ZNF738: variants seen among roughly 807,000 people sequenced by gnomAD.
ZNF738 encodes zinc finger protein 738.
Under a neutral mutation model 9.2 loss-of-function variants are expected in ZNF738, and 10 were observed. That is an observed-to-expected ratio of 1.09 (90% CI 0.67 to 1.85). ZNF738 has a LOEUF of 1.85. Among genes scored for constraint, ZNF738 ranks in the 40% most tolerant of loss-of-function variants. The pLI is 0.00. For synonymous variants in ZNF738, 113 were observed against 94.5 expected (o/e 1.20, Z -1.14); for missense variants, 346 against 283.6 (o/e 1.22, Z -1.58).
intron 4 of ZNF738, chr19:21,377,771 C>A: frequency 2.8e-6 from 1 of 357,136 alleles, no homozygotes. Flanking sequence ...TCAGCTGACC[C>A]TTGTAGAAAG....
chr19:21,384,124 T>G lies in ZNF738; in HGVS notation c.*450T>G. On this transcript the variant is annotated 3_prime_UTR_variant, in exon 5 of 5. Transcript: ENST00000683779. Reference sequence around the variant, plus strand: ...AAAGCTTTCTACCGATTATCTTATCTTACTACACATAAGATGATTCATACT... The same window carrying G: ...AAAGCTTTCTACCGATTATCTTATCGTACTACACATAAGATGATTCATACT... 5.3e-6 allele frequency: 8 copies of G among 1,500,508 alleles called. No homozygotes were observed. The highest frequency in any genetic ancestry group is 6.5e-6 in the Non-Finnish European group (7 of 1,081,476). The allele number at this position is 1,500,508 out of a possible 1,614,324, so 92.9% of individuals were successfully genotyped here. A position where few individuals can be genotyped will look rare whatever the true frequency, so the allele number is the denominator to read the frequency against.
chr19:21,378,594 C>CA (rs764610995), intron 4 of ZNF738: 4 of 368,130 alleles, frequency 1.1e-5, no homozygotes, highest in South Asian at 8.3e-5. Context: ...AGTATTCTTG[C>CA]AAATAATATC....
In ZNF738 at chr19:21,385,557, C is replaced by T. The variant is rs1191589707; in HGVS notation, c.*1883C>T. On this transcript the variant is annotated 3_prime_UTR_variant, in exon 5 of 5. Coordinates refer to ENST00000683779, the MANE Select transcript of ZNF738 (RefSeq NM_001355237.2). Reference sequence around the variant, plus strand: ...AGAAAGCTCTTAACCAGTCCTCACACCTTACTGCACATAAGAGAAATCATA... The same window carrying T: ...AGAAAGCTCTTAACCAGTCCTCACATCTTACTGCACATAAGAGAAATCATA... Among the ~76,000 whole-genome samples, 1 of 152,108 alleles carries T rather than the reference C, an allele frequency of 6.6e-6. No individual in the cohort carries two copies. Among genetic ancestry groups the T allele is most frequent in the Non-Finnish European group, 1.5e-5 (1 of 67,992 alleles).
At chr19:21,359,598 G>A (rs936080398) in intron 1 of ZNF738, among the ~76,000 whole-genome samples, 7 of 152,188 alleles carry the variant, frequency 4.6e-5, no homozygotes, top group African/African-American at 1.7e-4. Context: ...GTGGTTCTAG[G>A]CTGGGCGCGG....
rs544662240 is a variant in ZNF738, at chr19:21,384,920, C to T, written c.*1246C>T. ...TAATTCATATTGGAGAATAACACTA[C>T]AAATGTAAAAAATGTGGCAAACCTT... is the stretch of plus-strand genomic sequence containing the variant. On this transcript the variant is annotated 3_prime_UTR_variant, in exon 5 of 5. Transcript: ENST00000683779. 1.3e-5 allele frequency among the ~76,000 whole-genome samples: 2 copies of T among 152,344 alleles called. No homozygotes were observed. The highest frequency in any genetic ancestry group is 1.3e-4 in the Admixed American group (2 of 15,302).
Position 21,375,351 on chromosome 19 carries a change from C to T in ZNF738, c.210C>T (p.Asn70=), listed in dbSNP as rs140723088. The part of the protein sequence containing the change: ...YRKVMLENFR[N]LVFLGIDVSK... ...AAGTGATGTTAGAGAACTTCAGAAA[C>T]CTGGTGTTCTTGGGTGAGAATAACT... The change falls in exon 3 of 5, where the codon AAC becomes AAT. Residue 70 remains asparagine (N), a synonymous_variant. Coordinates refer to ENST00000683779, the MANE Select transcript of ZNF738 (RefSeq NM_001355237.2). The T allele has an allele frequency of 3.2e-3, 2,930 of 905,910 alleles. 10 individuals are homozygous for T. The highest frequency in any genetic ancestry group is 4.6e-3 in the Non-Finnish European group (2,479 of 542,182). The allele number at this position is 905,910 out of a possible 1,614,324, so 56.1% of individuals were successfully genotyped here. A position where few individuals can be genotyped will look rare whatever the true frequency, so the allele number is the denominator to read the frequency against.
intron 4 of ZNF738, chr19:21,382,026 A>G (rs562592721): frequency 2.5e-4 from 43 of 171,940 alleles, no homozygotes; most frequent in Admixed American, 2.1e-3. Context: ...TAAAATACAT[A>G]TATAAAATGT....
In ZNF738 at chr19:21,383,227, T is replaced by G; in HGVS notation, c.681T>G (p.Ile227Met). The G allele has an allele frequency of 1.3e-6, 2 of 1,596,194 alleles. No homozygotes were observed. The highest frequency in any genetic ancestry group is 1.7e-6 in the Non-Finnish European group (2 of 1,165,372). ...TAGGTCAACATAAAATAATTCATAT[T>G]AGAGAGAATTCTTACCAATGTGAAG... ...LHLGQHKIIH[I>M]RENSYQCEEC... is the part of the protein sequence containing the mutation. The change falls in exon 5 of 5, where the codon ATT becomes ATG. Residue 227 changes from isoleucine to methionine, a missense_variant. Ile to Met is a conservative substitution (Grantham distance 10). Coordinates refer to ENST00000683779, the MANE Select transcript of ZNF738 (RefSeq NM_001355237.2).
chr19:21,368,191 G>C (rs1341274087), intron 2 of ZNF738, among the ~76,000 whole-genome samples: 2 of 152,192 alleles, frequency 1.3e-5, no homozygotes, highest in Non-Finnish European at 2.9e-5. Flanking sequence ...TTTTGTCAGT[G>C]AGTTCCTAAA....
At chr19:21,380,326 TAAAG>T (rs1480022606) in intron 4 of ZNF738, among the ~76,000 whole-genome samples, 2 of 152,278 alleles carry the variant, frequency 1.3e-5, no homozygotes, top group Non-Finnish European at 2.9e-5. Context: ...GGTGACCAAA[TAAAG>T]AAGTCAGACC....
At position 21,385,147 on chromosome 19, in the gene ZNF738, T is replaced by G. The variant is rs1326036508; in HGVS notation, c.*1473T>G. 6.7e-6 allele frequency among the ~76,000 whole-genome samples: 1 copy of G among 148,972 alleles called. No individual in the cohort carries two copies. The highest frequency in any genetic ancestry group is 1.5e-5 in the Non-Finnish European group (1 of 67,224). ...AGGCAGATCACCTGGTCAATGGTCCTCTACCCTTACTAAAGATAAAAGAGT... is the reference window on the plus strand; with the variant it reads ...AGGCAGATCACCTGGTCAATGGTCCGCTACCCTTACTAAAGATAAAAGAGT... On this transcript the variant is annotated 3_prime_UTR_variant, in exon 5 of 5. Coordinates refer to ENST00000683779, the MANE Select transcript of ZNF738 (RefSeq NM_001355237.2).
rs1974053275 is a variant in ZNF738 at position 21,385,225 on chromosome 19, G to A, written c.*1551G>A. On this transcript the variant is annotated 3_prime_UTR_variant, in exon 5 of 5. Transcript: ENST00000683779. Reference sequence around the variant, plus strand: ...TAATCCCAGCACTTTGGGAGGCTGAGGCAGGCAGATCACCTGGTCAAGAGT... The same window carrying A: ...TAATCCCAGCACTTTGGGAGGCTGAAGCAGGCAGATCACCTGGTCAAGAGT... Among the ~76,000 whole-genome samples, 1 of 152,168 alleles carries A rather than the reference G, an allele frequency of 6.6e-6. No homozygotes were observed. The highest frequency in any genetic ancestry group is 2.4e-5 in the African/African-American group (1 of 41,432).
chr19:21,375,925 T>C lies in ZNF738; in HGVS notation c.280T>C (p.Trp94Arg), dbSNP rs551927732. ...ITCLEQGKDP[W>R]NMKRHSMVAT... is the part of the protein sequence containing the mutation. ...CTGTCTGGAGCAAGGAAAAGATCCC[T>C]GGAATATGAAGAGACACAGTATGGT... Residue 94 changes from tryptophan (W) to arginine (R), a missense_variant, in exon 4 of 5, where the codon TGG (tryptophan) becomes CGG (arginine). By Grantham distance (101) the Trp-to-Arg change is moderately radical (BLOSUM62 -3). Coordinates refer to ENST00000683779, the MANE Select transcript of ZNF738 (RefSeq NM_001355237.2). The C allele has an allele frequency of 3.8e-6, 3 of 797,424 alleles. No individual in the cohort carries two copies. In the East Asian group the frequency reaches 7.3e-5, roughly 19 times the overall value. 49.4% of individuals were successfully genotyped at this position (797,424 alleles called of 1,614,324 possible). A position where few individuals can be genotyped will look rare whatever the true frequency, so the allele number is the denominator to read the frequency against.
At chr19:21,376,014 TAC>T (rs1373655070) in intron 4 of ZNF738, 50 bp downstream of exon 4, 2 of 672,256 alleles carry the variant, frequency 3.0e-6, no homozygotes, top group African/African-American at 3.7e-5. Flanking sequence ...GTTGGAAGAT[TAC>T]AAAAAAAAAA....
At chr19:21,364,840 G>A in intron 2 of ZNF738, among the ~76,000 whole-genome samples, 1 of 148,258 alleles carries the variant, frequency 6.7e-6, no homozygotes. Context: ...CTGCCTTCTG[G>A]GTTCAAGTGA....
At chr19:21,362,678 AG>A (rs1973716333) in intron 2 of ZNF738, among the ~76,000 whole-genome samples, 2 of 152,218 alleles carry the variant, frequency 1.3e-5, no homozygotes, top group Admixed American at 1.3e-4. Flanking sequence ...ATATTTACAA[AG>A]GGCATAAAAG....
At chr19:21,362,130 A>AATAATG (rs1339357019) in intron 2 of ZNF738, among the ~76,000 whole-genome samples, 1 of 130,886 alleles carries the variant, frequency 7.6e-6, no homozygotes, top group East Asian at 2.2e-4. Flanking sequence ...TAATAATAAT[A>AATAATG]ATGAATAAAT....
intron 3 of ZNF738, 114 bp downstream of exon 3, chr19:21,375,478 G>C: frequency 1.9e-6 from 1 of 534,646 alleles, no homozygotes; most frequent in South Asian, 3.0e-5. Context: ...TCTGATCCCT[G>C]TTTTCAAAAA....
At chr19:21,371,576 A>G (rs1339033804) in intron 2 of ZNF738, among the ~76,000 whole-genome samples, 3 of 152,204 alleles carry the variant, frequency 2.0e-5, no homozygotes, top group Non-Finnish European at 1.5e-5. Context: ...CATTCAAAAA[A>G]TAGATGAAGC....
Sources: gnomAD v4.1 joint callset for allele counts (sites outside exome capture counted in the v4.1 genomes callset) on GRCh38, gnomAD v4.1.1 for gene constraint, MANE v1.5 for transcripts, NCBI Gene and HGNC (gene_info 2026-07-23, HGNC 2026-07-21) for gene names.